The following CCNH variants were observed in gnomAD, a reference collection of about 807,000 sequenced individuals.
CCNH encodes cyclin-H.
CCNH carries 31 observed loss-of-function variants against 41.9 expected under a neutral mutation model. The ratio of observed to expected loss-of-function variants is 0.74; its 90% CI spans 0.56 to 1.00. CCNH has a LOEUF of 1.00. Ranked by LOEUF, CCNH falls within the 50% of genes least tolerant of loss-of-function variation. The probability of loss-of-function intolerance (pLI) is 0.00; values close to 1 mark genes in which losing one functional copy is unlikely to be tolerated. For missense variants in CCNH, 362 were observed against 388.4 expected, an observed-to-expected ratio of 0.93 and a Z score of 0.57; for synonymous variants, 138 against 136.1, an observed-to-expected ratio of 1.01 and a Z score of -0.10.
Position 87,401,695 on chromosome 5 carries a change from T to C in CCNH, c.760+7A>G. 2 of 1,547,624 alleles carry C rather than the reference T, an allele frequency of 1.3e-6. No homozygotes were observed. The highest frequency in any genetic ancestry group is 2.4e-5 in the South Asian group (2 of 85,088). ...AAACATTTTGTAAAGTGTTCTCTTT[T>C]ACTTACTTTTCATTATATCTAGTAA... is the stretch of plus-strand genomic sequence containing the variant. On this transcript the variant is annotated splice_region_variant and intron_variant, in intron 6 of 8. Transcript: ENST00000256897.
At chr5:87,392,472 A>G, downstream of CCNH, 1 of 402,698 alleles carries the variant, frequency 2.5e-6, no homozygotes, top group Non-Finnish European at 4.9e-6. Context: ...CTTTTATCAA[A>G]TTACTCTCCT....
chr5:87,315,927 G>A (rs1236039889), downstream of CCNH, among the ~76,000 whole-genome samples: 1 of 151,966 alleles, frequency 6.6e-6, no homozygotes, highest in East Asian at 1.9e-4. Context: ...AAGTCATTTG[G>A]AATTGCAATA....
Position 87,376,465 on chromosome 5 carries a change from A to T in CCNH, n.716T>A, listed in dbSNP as rs1035107314. 3.8e-5 allele frequency: 62 copies of T among 1,614,048 alleles called. No individual in the cohort carries two copies. The highest frequency in any genetic ancestry group is 5.1e-5 in the Non-Finnish European group (60 of 1,179,962). ...GATGAATGGTTTCTGCTCAGCTCCC[A>T]TATACCATTAAAAGGTATTGAACCA... On this transcript the variant is annotated non_coding_transcript_exon_variant, in exon 1 of 1. Transcript: ENST00000607486.
At chr5:87,403,653 G>A (rs537887760) in intron 5 of CCNH, among the ~76,000 whole-genome samples, 1 of 152,208 alleles carries the variant, frequency 6.6e-6, no homozygotes, top group Non-Finnish European at 1.5e-5. Context: ...GTGGCGGTGT[G>A]TGCCTGTGGT....
chr5:87,384,877 G>A (rs1032771047), intron 9 of CCNH, among the ~76,000 whole-genome samples: 4 of 151,994 alleles, frequency 2.6e-5, no homozygotes, highest in Non-Finnish European at 5.9e-5. Context: ...GAATTATTTG[G>A]ACTGCAAATA....
intron 9 of CCNH, among the ~76,000 whole-genome samples, chr5:87,348,141 A>C (rs1758994610): frequency 6.6e-6 from 1 of 152,034 alleles, no homozygotes; most frequent in Non-Finnish European, 1.5e-5. Flanking sequence ...CTTTCATTTT[A>C]GCCCATATTA....
upstream of CCNH, among the ~76,000 whole-genome samples, chr5:87,378,936 T>C (rs76405185): frequency 6.7e-3 from 1,014 of 152,294 alleles, 10 homozygotes; most frequent in African/African-American, 0.023. Context: ...GGGAGAATTA[T>C]GAGATAACCT....
chr5:87,387,433 G>T (rs1335604988), downstream of CCNH, among the ~76,000 whole-genome samples: 3 of 152,102 alleles, frequency 2.0e-5, no homozygotes, highest in Non-Finnish European at 4.4e-5. Context: ...ACGAATGAGG[G>T]TATTTTATAA....
chr5:87,371,969 ATTG>A (rs1253225115), downstream of CCNH: 4 of 540,062 alleles, frequency 7.4e-6, no homozygotes, highest in Middle Eastern at 3.2e-4. Context: ...ATTATTGGTT[ATTG>A]TTATGAAGTA....
chr5:87,343,101 C>T (rs780161303), intron 9 of CCNH, among the ~76,000 whole-genome samples: 4 of 152,004 alleles, frequency 2.6e-5, no homozygotes, highest in African/African-American at 7.2e-5. Context: ...TAGGGACTGT[C>T]GCAGTACTTT....
chr5:87,340,225 C>T (rs547482996), intron 9 of CCNH, among the ~76,000 whole-genome samples: 4 of 152,104 alleles, frequency 2.6e-5, no homozygotes, highest in Non-Finnish European at 5.9e-5. Context: ...GTTCATATGT[C>T]ATCCCTGTTT....
rs192686214 is a variant in CCNH, at chr5:87,384,535, G to T, written c.*90+8235C>A. ...CACATCTCTGTAATTATCTTTTATT[G>T]CTACTAAAGTGGTTAAATCTATAAA... On this transcript the variant is annotated intron_variant and NMD_transcript_variant, in intron 9 of 9. Transcript: ENST00000645953. Among the ~76,000 whole-genome samples, 506 of 152,000 alleles carry T rather than the reference G, an allele frequency of 3.3e-3. 1 individual carries two copies. The highest frequency in any genetic ancestry group is 5.0e-3 in the Non-Finnish European group (339 of 67,924).
In CCNH at chr5:87,383,725, T is replaced by C; in HGVS notation, c.*90+9045A>G. ...CCCTCCCATTCAGTGGTTTTGTTTT[T>C]CTTCGACTCATCTGTCCTGCCATCC... On this transcript the variant is annotated intron_variant and NMD_transcript_variant, in intron 9 of 9. Coordinates refer to the CCNH transcript ENST00000645953. 6.2e-7 allele frequency: 1 copy of C among 1,610,990 alleles called. No individual in the cohort carries two copies. The highest frequency in any genetic ancestry group is 8.5e-7 in the Non-Finnish European group (1 of 1,178,860).
intron 9 of CCNH, chr5:87,330,796 A>T: frequency 2.2e-6 from 1 of 453,816 alleles, no homozygotes; most frequent in Non-Finnish European, 3.7e-6. Context: ...GTCATGGAGT[A>T]GATTATCTTA....
chr5:87,395,096 C>A lies in CCNH; in HGVS notation c.881G>T (p.Arg294Met). ...ELALNVITKK[R>M]KGYEDDDYVS... ...GTAATCATCATCTTCATAGCCTTTC[C>A]TCTTCTTCCTATAATTAAGCAACTA... The change falls in exon 8 of 9, where the codon AGG (arginine) becomes ATG (methionine). Residue 294 changes from arginine (R) to methionine (M), a missense_variant. Transcript: ENST00000256897. 1 of 1,610,594 alleles carries A rather than the reference C, an allele frequency of 6.2e-7. No individual in the cohort carries two copies. The highest frequency in any genetic ancestry group is 8.5e-7 in the Non-Finnish European group (1 of 1,177,968).
chr5:87,334,342 T>C (rs1444547700), intron 9 of CCNH, among the ~76,000 whole-genome samples: 1 of 152,184 alleles, frequency 6.6e-6, no homozygotes, highest in African/African-American at 2.4e-5. Context: ...TCCTCCATTT[T>C]TTGTTCTGTT....
At chr5:87,314,432 T>C (rs918117738), downstream of CCNH, among the ~76,000 whole-genome samples, 4 of 151,968 alleles carry the variant, frequency 2.6e-5, no homozygotes, top group African/African-American at 9.7e-5. Context: ...GTTGTAGGAA[T>C]AGAGAACATA....
downstream of CCNH, among the ~76,000 whole-genome samples, chr5:87,388,381 G>A (rs1425121333): frequency 6.6e-6 from 1 of 152,136 alleles, no homozygotes; most frequent in East Asian, 1.9e-4. Flanking sequence ...GGCATTTAGT[G>A]TCGATAATAA....
intron 9 of CCNH, among the ~76,000 whole-genome samples, chr5:87,350,463 A>G (rs993461122): frequency 6.6e-6 from 1 of 151,826 alleles, no homozygotes; most frequent in Non-Finnish European, 1.5e-5. Flanking sequence ...ATAAATGTCC[A>G]TATTGAGATC....
Sources: allele counts gnomAD v4.1 joint callset (sites outside exome capture counted in the v4.1 genomes callset), GRCh38; gene constraint gnomAD v4.1.1; transcripts MANE v1.5; gene names NCBI Gene and HGNC (gene_info 2026-07-23, HGNC 2026-07-21).